The following AGAP1 variants were observed in gnomAD, a reference collection of about 807,000 sequenced individuals.
The protein encoded by AGAP1 is ArfGAP with GTPase domain, ankyrin repeat and PH domain 1.
Under a neutral mutation model 105.3 loss-of-function variants are expected in AGAP1, and 29 were observed. The observed-to-expected ratio is 0.28, with a 90% CI of 0.21 to 0.38. The LOEUF is 0.38. AGAP1 is among the 10% of genes least tolerant of loss of function. The pLI is 1.00. For missense variants in AGAP1, 998 were observed against 1,165.1 expected, an observed-to-expected ratio of 0.86 and a Z score of 2.09; for synonymous variants, 509 against 485.9, an observed-to-expected ratio of 1.05 and a Z score of -0.63.
chr2:236,010,145 GAA>G lies in AGAP1; in HGVS notation c.1646-26414_1646-26413del, dbSNP rs370348269. Among the ~76,000 whole-genome samples the G allele has an allele frequency of 1.7e-4, 26 of 151,520 alleles. No homozygotes were observed. The East Asian group carries it at 2.3e-3, about 14-fold the overall frequency. ...AAAAAAAAAACAAAAAACTTTTAGAGAAACAAATTAACAAATTTTATTTCAAA... is the reference window on the plus strand; with the variant it reads ...AAAAAAAAAACAAAAAACTTTTAGAGACAAATTAACAAATTTTATTTCAAA... On this transcript the variant is annotated intron_variant, in intron 13 of 17. Transcript: ENST00000304032.
chr2:235,589,982 G>A (rs547177779), intron 1 of AGAP1, among the ~76,000 whole-genome samples: 40 of 152,180 alleles, frequency 2.6e-4, no homozygotes, highest in South Asian at 6.2e-4. Flanking sequence ...CCGGGTTCAA[G>A]CGATTCTCCT....
intron 1 of AGAP1, among the ~76,000 whole-genome samples, chr2:235,686,588 C>CGT (rs1553605460): frequency 3.7e-5 from 4 of 108,514 alleles, no homozygotes; most frequent in Non-Finnish European, 3.8e-5. Context: ...CACACACACA[C>CGT]GTGTGTGTGT....
intron 13 of AGAP1, among the ~76,000 whole-genome samples, chr2:235,997,358 AT>A (rs1311886562): frequency 6.6e-6 from 1 of 152,224 alleles, no homozygotes; most frequent in Non-Finnish European, 1.5e-5. Flanking sequence ...CAAAGTGGGG[AT>A]TACAGGCATG....
At chr2:236,071,885 G>C (rs1293151080) in intron 16 of AGAP1, among the ~76,000 whole-genome samples, 2 of 152,192 alleles carry the variant, frequency 1.3e-5, no homozygotes, top group Non-Finnish European at 1.5e-5. Flanking sequence ...CTGGCACACA[G>C]AGTCGTAATT....
At position 236,035,957 on chromosome 2, in the gene AGAP1, T is replaced by C. The variant is rs1203264530; in HGVS notation, c.1646-604T>C. Among the ~76,000 whole-genome samples, 1 of 152,074 alleles carries C rather than the reference T, an allele frequency of 6.6e-6. No individual in the cohort carries two copies. The highest frequency in any genetic ancestry group is 2.4e-5 in the African/African-American group (1 of 41,436). On this transcript the variant is annotated intron_variant, in intron 13 of 17. Transcript: ENST00000304032. This position sits in a 1 kb window ranked among gnomAD's most constrained non-coding sequence, Gnocchi z 4.2. ...ATACCCCCAAGTTCCTCTCTTCCCA[T>C]TGCAGACATGGCCCCAGAGTAGCTA...
chr2:235,822,581 G>A (rs1176157953), intron 9 of AGAP1, among the ~76,000 whole-genome samples: 1 of 152,088 alleles, frequency 6.6e-6, no homozygotes, highest in Non-Finnish European at 1.5e-5. Flanking sequence ...GCCCAAGGGT[G>A]AAGAGAAGCT....
intron 12 of AGAP1, among the ~76,000 whole-genome samples, chr2:235,955,405 T>A (rs2053905983): frequency 6.6e-6 from 1 of 152,142 alleles, no homozygotes; most frequent in Non-Finnish European, 1.5e-5. Flanking sequence ...AGCACAGAAC[T>A]TCGGCTCAGC....
chr2:235,849,065 CT>C (rs1339663628), intron 9 of AGAP1, among the ~76,000 whole-genome samples: 1 of 152,182 alleles, frequency 6.6e-6, no homozygotes, highest in African/African-American at 2.4e-5. Context: ...GTTATTTACC[CT>C]GTAATTCATT....
chr2:235,810,833 CT>C (rs76910320), intron 9 of AGAP1, among the ~76,000 whole-genome samples: 32,981 of 112,768 alleles, frequency 0.29, 4,329 homozygotes, highest in Admixed American at 0.43. Flanking sequence ...AATTCGGTTT[CT>C]TTTTTTTTTT....
In AGAP1 at chr2:235,761,318, G is replaced by A. The variant is rs151084923; in HGVS notation, c.673+10830G>A. ...GTTAAGTGTGCACAGATGCTCATAC[G>A]TGTGCAGAGAAATGCCTGAATTAAC... On this transcript the variant is annotated intron_variant, in intron 6 of 17. Transcript: ENST00000304032. Among the ~76,000 whole-genome samples, 9 of 152,204 alleles carry A rather than the reference G, an allele frequency of 5.9e-5. No individual in the cohort carries two copies. In the East Asian group the frequency reaches 1.2e-3, roughly 20 times the overall value.
intron 13 of AGAP1, among the ~76,000 whole-genome samples, chr2:235,997,868 C>T (rs1329758873): frequency 6.6e-6 from 1 of 151,834 alleles, no homozygotes; most frequent in Admixed American, 6.6e-5. Flanking sequence ...ATGGGGTATT[C>T]TTTGAAACCA....
intron 9 of AGAP1, among the ~76,000 whole-genome samples, chr2:235,870,697 C>T (rs536940750): frequency 6.6e-6 from 1 of 152,118 alleles, no homozygotes; most frequent in East Asian, 1.9e-4. Context: ...ATTCTGAAAT[C>T]CAGCCAGCAC....
rs2056713448 is a variant in AGAP1, at chr2:236,016,620, G to T, written c.1646-19941G>T. 6.6e-5 allele frequency among the ~76,000 whole-genome samples: 10 copies of T among 152,250 alleles called. No individual in the cohort carries two copies. In the South Asian group the frequency reaches 2.1e-3, roughly 32 times the overall value. On this transcript the variant is annotated intron_variant, in intron 13 of 17. Coordinates refer to ENST00000304032, the MANE Select transcript of AGAP1 (RefSeq NM_001037131.3). ...GGGACCCAGTAGAACCAGGAGTGAG[G>T]ATTTGCAGCAGTGCGAACTTCTCAG...
intron 8 of AGAP1, among the ~76,000 whole-genome samples, chr2:235,803,264 C>T (rs1264477607): frequency 6.6e-6 from 1 of 152,074 alleles, no homozygotes; most frequent in Non-Finnish European, 1.5e-5. Context: ...GAAATAGTAA[C>T]TCCACTAGAT....
chr2:235,914,548 GT>G (rs1424493574), intron 11 of AGAP1, among the ~76,000 whole-genome samples: 11 of 152,338 alleles, frequency 7.2e-5, no homozygotes, highest in Admixed American at 7.2e-4. Context: ...TGATTTGCCT[GT>G]ATTGAAATAG....
intron 13 of AGAP1, among the ~76,000 whole-genome samples, chr2:235,990,013 G>A (rs987679287): frequency 3.9e-5 from 6 of 152,036 alleles, no homozygotes; most frequent in Non-Finnish European, 7.4e-5. Context: ...AGTGTCTCAC[G>A]GAGATTCAGA....
At chr2:236,004,713 G>A (rs1484422911) in intron 13 of AGAP1, among the ~76,000 whole-genome samples, 1 of 152,230 alleles carries the variant, frequency 6.6e-6, no homozygotes, top group Non-Finnish European at 1.5e-5. Context: ...ACTTCTTTCA[G>A]TCACAACTGA....
rs777009133 is a variant in AGAP1 at position 235,747,340 on chromosome 2, C to T, written c.538+2501C>T. On this transcript the variant is annotated intron_variant, in intron 5 of 17. Transcript: ENST00000304032. This position sits in a 1 kb window ranked among gnomAD's most constrained non-coding sequence, Gnocchi z 5.0. ...TATTCCCATGAATTCCATGAACATC[C>T]GTTGATCGGATGTGGAAAGATGCCC... 2.6e-5 allele frequency among the ~76,000 whole-genome samples: 4 copies of T among 152,236 alleles called. No homozygotes were observed. The highest frequency in any genetic ancestry group is 1.9e-4 in the East Asian group (1 of 5,164).
At chr2:235,678,590 C>G (rs989889517) in intron 1 of AGAP1, among the ~76,000 whole-genome samples, 5 of 152,042 alleles carry the variant, frequency 3.3e-5, no homozygotes, top group Non-Finnish European at 7.4e-5. Context: ...CAAGTCCCAT[C>G]CTAGTTTTCA....
Sources: gnomAD v4.1 joint callset for allele counts (sites outside exome capture counted in the v4.1 genomes callset) on GRCh38, gnomAD v4.1.1 for gene constraint, Gnocchi (gnomAD v3.1) non-coding constraint, MANE v1.5 for transcripts, NCBI Gene and HGNC (gene_info 2026-07-23, HGNC 2026-07-21) for gene names.